SNX13: variants seen among roughly 807,000 people sequenced by gnomAD.
The protein encoded by SNX13 is sorting nexin 13.
A neutral mutation model predicts 133.6 loss-of-function variants in SNX13; 45 were observed. The ratio of observed to expected loss-of-function variants is 0.34; its 90% CI spans 0.27 to 0.43. The LOEUF (loss-of-function observed/expected upper bound fraction) is 0.43. Among genes scored for constraint, SNX13 ranks in the 20% least tolerant of loss-of-function variants. The pLI is 1.00. For synonymous variants in SNX13, 414 were observed against 373.9 expected, an observed-to-expected ratio of 1.11 and a Z score of -1.24; for missense variants, 1,032 against 1,145.1, an observed-to-expected ratio of 0.90 and a Z score of 1.43.
At chr7:17,841,542 C>A (rs1053953783) in intron 12 of SNX13, among the ~76,000 whole-genome samples, 12 of 99,002 alleles carry the variant, frequency 1.2e-4, no homozygotes, top group African/African-American at 4.9e-4. Context: ...ATTCAAACAG[C>A]CAGTTATTCA....
At chr7:17,880,647 T>C (rs1455771676) in intron 5 of SNX13, 3 of 152,152 alleles carry the variant, frequency 2.0e-5, no homozygotes, top group African/African-American at 7.2e-5. Flanking sequence ...GTCTTAATGC[T>C]AAGGTTATCA....
chr7:17,823,222 C>T (rs1440413449), intron 17 of SNX13, among the ~76,000 whole-genome samples: 2 of 152,102 alleles, frequency 1.3e-5, no homozygotes, highest in Non-Finnish European at 2.9e-5. Context: ...AGATTTTCCC[C>T]TTCAGCTATA....
At chr7:17,900,047 T>C (rs1289418591) in intron 1 of SNX13, 1 of 152,222 alleles carries the variant, frequency 6.6e-6, no homozygotes, top group African/African-American at 2.4e-5. Flanking sequence ...AGCCTACTAA[T>C]GTTGTGGCTC....
chr7:17,925,189 G>C (rs185836470), intron 1 of SNX13, among the ~76,000 whole-genome samples: 1 of 152,112 alleles, frequency 6.6e-6, no homozygotes, highest in Non-Finnish European at 1.5e-5. Flanking sequence ...ACTACAGCCT[G>C]AGTGAAAAAG....
intron 18 of SNX13, among the ~76,000 whole-genome samples, chr7:17,817,831 GACTC>G (rs1422558505): frequency 6.6e-6 from 1 of 152,056 alleles, no homozygotes; most frequent in Non-Finnish European, 1.5e-5. Flanking sequence ...TTAAACTACT[GACTC>G]AATTTTAGAA....
chr7:17,832,723 A>T (rs941022531), intron 15 of SNX13, among the ~76,000 whole-genome samples: 12 of 151,500 alleles, frequency 7.9e-5, no homozygotes, highest in Non-Finnish European at 1.5e-5. Context: ...TTCCTTAATT[A>T]TGCAATCAAA....
chr7:17,799,097 A>G lies in SNX13; in HGVS notation c.2356T>C (p.Leu786=), dbSNP rs756968091. 3 of 1,610,810 alleles carry G rather than the reference A, an allele frequency of 1.9e-6. No homozygotes were observed. The highest frequency in any genetic ancestry group is 2.2e-5 in the South Asian group (2 of 90,926). ...CGCAACCACTGATTTCTTTCTTTTA[A>G]GTCGAATACTTCATCCATGAGAAGC... ...MLLLMDEVFD[L]KERNQWLRRN... Residue 786 remains leucine, a synonymous_variant, in exon 23 of 26, where the codon TTA becomes CTA. Coordinates refer to ENST00000428135, the MANE Select transcript of SNX13 (RefSeq NM_015132.5).
At chr7:17,913,998 G>A (rs527460457) in intron 1 of SNX13, among the ~76,000 whole-genome samples, 1 of 151,946 alleles carries the variant, frequency 6.6e-6, no homozygotes, top group African/African-American at 2.4e-5. Context: ...CCAACACAAA[G>A]AAGCCAGAAA....
intron 1 of SNX13, among the ~76,000 whole-genome samples, chr7:17,933,140 T>A (rs1478291739): frequency 6.6e-6 from 1 of 152,206 alleles, no homozygotes; most frequent in Non-Finnish European, 1.5e-5. Flanking sequence ...ATTTACCAAG[T>A]CTGATTAAAA....
At position 17,839,878 on chromosome 7, in the gene SNX13, G is replaced by T; in HGVS notation, c.1288C>A (p.Gln430Lys). 1 of 1,611,902 alleles carries T rather than the reference G, an allele frequency of 6.2e-7. No homozygotes were observed. The highest frequency in any genetic ancestry group is 1.1e-5 in the South Asian group (1 of 90,994). Residue 430 changes from glutamine to lysine, a missense_variant, in exon 13 of 26, where the codon CAA (glutamine) becomes AAA (lysine). Transcript: ENST00000428135. ...AAAAGACCTTTGGTTTGGTTGGTTTGATGTTTTCCATCTCTCTGACGACTT... is the reference window on the plus strand; with the variant it reads ...AAAAGACCTTTGGTTTGGTTGGTTTTATGTTTTCCATCTCTCTGACGACTT... Reference protein sequence around the residue: ...LLSRQRDGKHQTNQTKGLLRA... With the variant: ...LLSRQRDGKHKTNQTKGLLRA...
At chr7:17,856,099 CA>C (rs1791843973) in intron 9 of SNX13, among the ~76,000 whole-genome samples, 1 of 152,070 alleles carries the variant, frequency 6.6e-6, no homozygotes, top group Non-Finnish European at 1.5e-5. Context: ...GTAGAAATGG[CA>C]AGAGAAGTAG....
intron 1 of SNX13, among the ~76,000 whole-genome samples, chr7:17,918,022 T>G (rs971116858): frequency 6.6e-6 from 1 of 152,096 alleles, no homozygotes; most frequent in African/African-American, 2.4e-5. Context: ...CAACTGACCT[T>G]CGACAACATC....
chr7:17,856,433 C>T (rs1285470819), intron 9 of SNX13, among the ~76,000 whole-genome samples: 1 of 152,046 alleles, frequency 6.6e-6, no homozygotes, highest in Non-Finnish European at 1.5e-5. Flanking sequence ...AAAATAGTTA[C>T]CTCCTTACCT....
intron 20 of SNX13, among the ~76,000 whole-genome samples, chr7:17,808,903 T>C (rs1207644576): frequency 6.6e-6 from 1 of 152,176 alleles, no homozygotes; most frequent in Non-Finnish European, 1.5e-5. Flanking sequence ...GACAAGCAAA[T>C]GCAGAGAGAT....
In SNX13 at chr7:17,900,798, T is replaced by C. The variant is rs1797739272; in HGVS notation, c.13-3352A>G. On this transcript the variant is annotated intron_variant, in intron 1 of 25. Transcript: ENST00000428135. ...GACCCCAAGAGCCCACTTGGTGCTC[T>C]ATTCCACTGTAACCAAGCTGGTAGC... 2.0e-5 allele frequency among the ~76,000 whole-genome samples: 3 copies of C among 152,182 alleles called. 1 individual carries two copies. Among genetic ancestry groups the C allele is most frequent in the Admixed American group, 6.5e-5 (1 of 15,282 alleles).
At chr7:17,874,731 T>C (rs1375726631) in intron 7 of SNX13, among the ~76,000 whole-genome samples, 1 of 152,214 alleles carries the variant, frequency 6.6e-6, no homozygotes, top group Admixed American at 6.5e-5. Flanking sequence ...TTTAAAACTG[T>C]GCCAATTAAC....
chr7:17,859,405 G>A (rs1792341559), intron 9 of SNX13, among the ~76,000 whole-genome samples: 1 of 151,986 alleles, frequency 6.6e-6, no homozygotes, highest in African/African-American at 2.4e-5. Context: ...TAAAATTTAA[G>A]ATTGACAATG....
chr7:17,903,214 T>C (rs1363685046), intron 1 of SNX13, among the ~76,000 whole-genome samples: 9 of 152,214 alleles, frequency 5.9e-5, no homozygotes, highest in Non-Finnish European at 8.8e-5. Context: ...GGATATTAAA[T>C]ACAGTTTCTT....
rs1307009288 is a variant in SNX13 at position 17,839,917 on chromosome 7, G to C, written c.1249C>G (p.Leu417Val). The C allele has an allele frequency of 3.1e-6, 5 of 1,612,058 alleles. No homozygotes were observed. Among genetic ancestry groups the C allele is most frequent in the African/African-American group, 2.7e-5 (2 of 74,884 alleles). The stretch of plus-strand genomic sequence containing the variant: ...CTCTGACGACTTAATAAAACTTCTA[G>C]CTGCTGTTGGGCGGTAACCCGGTAT... Reference protein sequence around the residue: ...EGYRVTAQQQLEVLLSRQRDG... With the variant: ...EGYRVTAQQQVEVLLSRQRDG... The change falls in exon 13 of 26, where the codon CTA becomes GTA. Residue 417 changes from leucine (L) to valine (V), a missense_variant. Transcript: ENST00000428135.
Sources: gnomAD v4.1 joint callset for allele counts (sites outside exome capture counted in the v4.1 genomes callset) on GRCh38, gnomAD v4.1.1 for gene constraint, MANE v1.5 for transcripts, NCBI Gene and HGNC (gene_info 2026-07-23, HGNC 2026-07-21) for gene names.